Variants in MALRD1 observed in about 807,000 individuals in gnomAD.
MALRD1 encodes the protein MAM and LDL-receptor class A domain-containing protein 1.
Under a neutral mutation model 242.1 loss-of-function variants are expected in MALRD1, and 247 were observed. The ratio of observed to expected loss-of-function variants is 1.02; its 90% CI spans 0.92 to 1.13. The LOEUF (loss-of-function observed/expected upper bound fraction) is 1.13. Among genes scored for constraint, MALRD1 ranks in the 50% most tolerant of loss-of-function variants. The pLI, the probability that MALRD1 is intolerant of heterozygous loss-of-function variation, is 0.00. For synonymous variants in MALRD1, 995 were observed against 866.6 expected (o/e 1.15, Z -2.60); for missense variants, 2,989 against 2,533.1 (o/e 1.18, Z -3.86).
chr10:19,415,173 C>T (rs1833464411), intron 28 of MALRD1, among the ~76,000 whole-genome samples: 1 of 152,050 alleles, frequency 6.6e-6, no homozygotes, highest in Admixed American at 6.6e-5. Context: ...ACAAAATAAT[C>T]TTTAGTAGAT....
At chr10:19,593,187 A>G (rs1244218236) in intron 33 of MALRD1, among the ~76,000 whole-genome samples, 1 of 152,180 alleles carries the variant, frequency 6.6e-6, no homozygotes, top group Non-Finnish European at 1.5e-5. Flanking sequence ...GAACATTGCA[A>G]TTTTATATGC....
At chr10:19,396,862 G>A (rs1254746806) in intron 28 of MALRD1, among the ~76,000 whole-genome samples, 6 of 152,128 alleles carry the variant, frequency 3.9e-5, no homozygotes, top group African/African-American at 1.4e-4. Flanking sequence ...CCAGCATCTA[G>A]TAACAGTTAC....
intron 5 of MALRD1, among the ~76,000 whole-genome samples, chr10:19,117,397 T>A (rs1836909042): frequency 6.6e-6 from 1 of 151,880 alleles, no homozygotes; most frequent in Admixed American, 6.6e-5. Flanking sequence ...TTTAATTCCA[T>A]GCAATTTGTA....
chr10:19,694,591 C>G (rs140871230), intron 38 of MALRD1, among the ~76,000 whole-genome samples: 1,532 of 152,190 alleles, frequency 0.01, 22 homozygotes, highest in African/African-American at 0.035. Flanking sequence ...TAGAGAGGAT[C>G]TGGAGAAATA....
In MALRD1 at chr10:19,510,469, C is replaced by T. The variant is rs920779937; in HGVS notation, c.5320+11823C>T. Among the ~76,000 whole-genome samples, 4 of 120,406 alleles carry T rather than the reference C, an allele frequency of 3.3e-5. No individual in the cohort carries two copies. In the South Asian group the frequency reaches 1.1e-3, roughly 32 times the overall value. The allele number at this position is 120,406 out of a possible 152,430, so 79.0% of individuals were successfully genotyped here. A position where few individuals can be genotyped will look rare whatever the true frequency, so the allele number is the denominator to read the frequency against. ...CTAGGCAGAGTTCCCTGCAGCCTTC[C>T]GCAGTGTTTTATGTCCCTGGGTACT... On this transcript the variant is annotated intron_variant, in intron 31 of 39. Transcript: ENST00000454679.
At chr10:19,541,988 GAA>G (rs1834993909) in intron 32 of MALRD1, among the ~76,000 whole-genome samples, 1 of 152,154 alleles carries the variant, frequency 6.6e-6, no homozygotes, top group South Asian at 2.1e-4. Context: ...ACACTCAAGA[GAA>G]AGAGCTAATC....
chr10:19,465,018 C>T (rs935085280), intron 29 of MALRD1, among the ~76,000 whole-genome samples: 3 of 146,468 alleles, frequency 2.0e-5, no homozygotes, highest in Non-Finnish European at 4.5e-5. Context: ...TCAGCTTTGT[C>T]ACTGTTGTTG....
chr10:19,173,216 A>AG (rs1835087383), intron 13 of MALRD1, among the ~76,000 whole-genome samples: 1 of 152,100 alleles, frequency 6.6e-6, no homozygotes. Flanking sequence ...TTTCAGCCTA[A>AG]GTAATATTAT....
intron 36 of MALRD1, among the ~76,000 whole-genome samples, chr10:19,648,083 C>A (rs1278072602): frequency 2.0e-5 from 3 of 152,056 alleles, no homozygotes; most frequent in African/African-American, 7.2e-5. Flanking sequence ...AGAAGAGAGG[C>A]CTAGAAGAAT....
chr10:19,353,206 T>A (rs991599002), intron 26 of MALRD1, among the ~76,000 whole-genome samples: 1 of 151,942 alleles, frequency 6.6e-6, no homozygotes, highest in African/African-American at 2.4e-5. Flanking sequence ...GGGGTCTCAC[T>A]GTATTGCCTA....
At position 19,317,982 on chromosome 10, in the gene MALRD1, G is replaced by C. The variant is rs74121482; in HGVS notation, c.3420-5967G>C. ...GTGTGGTTTATGATATGTTTTATTA[G>C]AAAAAGATATGCTTCTATAAAATGT... On this transcript the variant is annotated intron_variant, in intron 21 of 39. Transcript: ENST00000454679. Among the ~76,000 whole-genome samples the C allele has an allele frequency of 1.7e-3, 260 of 152,094 alleles. 1 individual carries two copies. Among genetic ancestry groups the C allele is most frequent in the African/African-American group, 6.1e-3 (255 of 41,526 alleles).
At chr10:19,170,441 C>A (rs1031176034) in intron 13 of MALRD1, among the ~76,000 whole-genome samples, 1 of 152,050 alleles carries the variant, frequency 6.6e-6, no homozygotes, top group South Asian at 2.1e-4. Context: ...TTGAAATGAA[C>A]CTTTTGTGAA....
At chr10:19,291,575 G>A (rs990428509) in intron 21 of MALRD1, 3 of 151,806 alleles carry the variant, frequency 2.0e-5, no homozygotes, top group African/African-American at 4.8e-5. Flanking sequence ...GAATGGAGTT[G>A]GGAATTTGTA....
At chr10:19,204,286 T>TG (rs202203955) in intron 15 of MALRD1, 22 bp from the exon 16 acceptor site, 183,899 of 1,431,650 alleles carry the variant, frequency 0.13, 6,949 homozygotes, top group Middle Eastern at 0.17. Context: ...GAAGCGTTTT[T>TG]TTTTTTTTTT....
intron 2 of MALRD1, among the ~76,000 whole-genome samples, chr10:19,069,310 C>T (rs76397062): frequency 1.4e-3 from 212 of 151,966 alleles, no homozygotes; most frequent in African/African-American, 3.8e-3. Context: ...GAAACATGTA[C>T]GCTATTAAAC....
At chr10:19,283,832 G>A (rs1192778272) in intron 21 of MALRD1, among the ~76,000 whole-genome samples, 1 of 152,210 alleles carries the variant, frequency 6.6e-6, no homozygotes, top group Non-Finnish European at 1.5e-5. Context: ...TTATAAAGTT[G>A]CTTCAAAGAA....
At chr10:19,445,899 G>C (rs1426633595) in intron 28 of MALRD1, among the ~76,000 whole-genome samples, 1 of 152,192 alleles carries the variant, frequency 6.6e-6, no homozygotes, top group African/African-American at 2.4e-5. Flanking sequence ...CCTAGAGGTG[G>C]AGTCTACAGA....
At chr10:19,717,408 G>T (rs554628) in intron 38 of MALRD1, among the ~76,000 whole-genome samples, 1 of 151,972 alleles carries the variant, frequency 6.6e-6, no homozygotes, top group Non-Finnish European at 1.5e-5. Context: ...TGATGAAGAA[G>T]ACAGTGTATA....
chr10:19,353,892 GT>G (rs146597262), intron 26 of MALRD1, among the ~76,000 whole-genome samples: 1 of 151,332 alleles, frequency 6.6e-6, no homozygotes, highest in South Asian at 2.1e-4. Context: ...TTGTTTGTTT[GT>G]TTTTTGTTTT....
Sources: gnomAD v4.1 joint callset for allele counts (sites outside exome capture counted in the v4.1 genomes callset) on GRCh38, gnomAD v4.1.1 for gene constraint, MANE v1.5 for transcripts, NCBI Gene and HGNC (gene_info 2026-07-23, HGNC 2026-07-21) for gene names.